KSR2: variants seen among roughly 807,000 people sequenced by gnomAD.
The protein encoded by KSR2 is kinase suppressor of ras 2.
In KSR2, 25 loss-of-function variants were observed where a neutral mutation model predicts 107.8. That is an observed-to-expected ratio of 0.23 (90% CI 0.17 to 0.32). KSR2 has a LOEUF of 0.32. KSR2 is among the 10% of genes least tolerant of loss of function. The pLI is 1.00. For synonymous variants in KSR2, 480 were observed against 507.0 expected, an observed-to-expected ratio of 0.95 and a Z score of 0.71; for missense variants, 887 against 1,268.9, an observed-to-expected ratio of 0.70 and a Z score of 4.57.
Position 117,855,484 on chromosome 12 carries a change from T to C in KSR2, c.416A>G (p.Glu139Gly), listed in dbSNP as rs1225429152. ...ETVEKYGANR[E>G]ECARLNASLS... is the part of the protein sequence containing the mutation. ...GGAGGCGTTGAGGCGGGCACACTCC[T>C]CCCGGTTGGCTCCGTATTTCTCCAC... Residue 139 changes from glutamate (E) to glycine (G), a missense_variant, in exon 3 of 20, where the codon GAG (glutamate) becomes GGG (glycine). By Grantham distance (98) the Glu-to-Gly change is moderately conservative. Transcript: ENST00000339824. The C allele has an allele frequency of 6.2e-7, 1 of 1,613,988 alleles. No individual in the cohort carries two copies. The highest frequency in any genetic ancestry group is 1.7e-5 in the Admixed American group (1 of 60,012).
intron 3 of KSR2, among the ~76,000 whole-genome samples, chr12:117,787,582 G>A (rs533380759): frequency 7.9e-5 from 12 of 151,964 alleles, no homozygotes; most frequent in Admixed American, 3.9e-4. Flanking sequence ...GCAGTGAGCC[G>A]ACACTGCGCC....
At chr12:117,761,778 A>T (rs1474054633) in intron 3 of KSR2, among the ~76,000 whole-genome samples, 1 of 151,558 alleles carries the variant, frequency 6.6e-6, no homozygotes, top group African/African-American at 2.4e-5. Context: ...TGCATGTTAT[A>T]TCATATGCAC....
chr12:117,638,568 T>G (rs1459785852), intron 5 of KSR2, among the ~76,000 whole-genome samples: 1 of 151,116 alleles, frequency 6.6e-6, no homozygotes, highest in Non-Finnish European at 1.5e-5. Context: ...TTCTATGAAG[T>G]TCAAAACTAT....
intron 5 of KSR2, among the ~76,000 whole-genome samples, chr12:117,645,087 C>T (rs1484536715): frequency 6.6e-6 from 1 of 152,126 alleles, no homozygotes; most frequent in Non-Finnish European, 1.5e-5. Context: ...CTAATCAGAG[C>T]TAATACTGAG....
At chr12:117,513,268 G>A (rs1270564111) in intron 14 of KSR2, among the ~76,000 whole-genome samples, 1 of 152,084 alleles carries the variant, frequency 6.6e-6, no homozygotes, top group African/African-American at 2.4e-5. Context: ...TATTCCCAGT[G>A]GTCAATCAAT....
chr12:117,472,601 A>G (rs1249488891), intron 17 of KSR2, among the ~76,000 whole-genome samples: 4 of 152,180 alleles, frequency 2.6e-5, no homozygotes, highest in Non-Finnish European at 5.9e-5. Context: ...GTGTCAAATC[A>G]ACTATTGCTA....
chr12:117,506,023 T>C (rs1318140047), intron 14 of KSR2, among the ~76,000 whole-genome samples: 7 of 152,228 alleles, frequency 4.6e-5, no homozygotes, highest in Non-Finnish European at 1.0e-4. Flanking sequence ...GCATGTCTTA[T>C]AAAGCCCCGC....
intron 3 of KSR2, among the ~76,000 whole-genome samples, chr12:117,849,304 GC>G (rs1331737105): frequency 6.6e-6 from 1 of 152,056 alleles, no homozygotes. Flanking sequence ...CTGTGCCCCA[GC>G]CCCCCACACT....
chr12:117,808,962 C>T (rs901362682), intron 3 of KSR2, among the ~76,000 whole-genome samples: 2 of 152,160 alleles, frequency 1.3e-5, no homozygotes, highest in Admixed American at 6.5e-5. Flanking sequence ...CCCAGTCTAC[C>T]TTCTGGGTGT....
At chr12:117,547,165 G>T (rs532874565) in intron 9 of KSR2, among the ~76,000 whole-genome samples, 1 of 152,276 alleles carries the variant, frequency 6.6e-6, no homozygotes, top group African/African-American at 2.4e-5. Context: ...GCAGAGAAAG[G>T]GGAGGTACTG....
chr12:117,689,483 C>T (rs542214732), intron 4 of KSR2, among the ~76,000 whole-genome samples: 1 of 152,226 alleles, frequency 6.6e-6, no homozygotes, highest in African/African-American at 2.4e-5. Flanking sequence ...ACTGCAACTA[C>T]TCGATTCTGC....
chr12:117,583,902 C>T (rs1237551903), intron 5 of KSR2, among the ~76,000 whole-genome samples: 3 of 152,232 alleles, frequency 2.0e-5, no homozygotes, highest in Non-Finnish European at 2.9e-5. Flanking sequence ...ATGCATGCCT[C>T]ATTTTTCACA....
chr12:117,539,346 C>A, intron 10 of KSR2: 1 of 209,898 alleles, frequency 4.8e-6, no homozygotes, highest in Non-Finnish European at 9.3e-6. Flanking sequence ...GCTCATAAGA[C>A]AACTGTCATC....
chr12:117,876,761 A>G (rs1893867407), intron 1 of KSR2, among the ~76,000 whole-genome samples: 1 of 148,766 alleles, frequency 6.7e-6, no homozygotes, highest in South Asian at 2.1e-4. Flanking sequence ...TGAAATATAT[A>G]TATTTATATA....
At chr12:117,613,366 C>T (rs996297151) in intron 5 of KSR2, among the ~76,000 whole-genome samples, 1 of 152,222 alleles carries the variant, frequency 6.6e-6, no homozygotes, top group Non-Finnish European at 1.5e-5. Context: ...CAGCCTCAGT[C>T]CCAGACCCAG....
chr12:117,840,311 T>A (rs1892415970), intron 3 of KSR2, among the ~76,000 whole-genome samples: 1 of 152,172 alleles, frequency 6.6e-6, no homozygotes, highest in African/African-American at 2.4e-5. Context: ...TTGGCCAGGC[T>A]GTTCTTGAAC....
At chr12:117,896,083 G>A (rs891046034) in intron 1 of KSR2, among the ~76,000 whole-genome samples, 24 of 152,310 alleles carry the variant, frequency 1.6e-4, no homozygotes, top group African/African-American at 5.8e-4. Context: ...AATGTTCATA[G>A]TAGCACTATT....
At chr12:117,530,876 G>C in intron 12 of KSR2, 65 bp downstream of exon 12, 3 of 1,377,256 alleles carry the variant, frequency 2.2e-6, no homozygotes, top group Non-Finnish European at 3.1e-6. Flanking sequence ...TAGGGAACCT[G>C]AGTGGATTGT....
intron 18 of KSR2, among the ~76,000 whole-genome samples, chr12:117,469,997 C>T (rs1431400234): frequency 6.6e-6 from 1 of 151,484 alleles, no homozygotes; most frequent in Non-Finnish European, 1.5e-5. Context: ...ACTCTTCCAT[C>T]CTTCATCCAT....
Sources: gnomAD v4.1 joint callset for allele counts (sites outside exome capture counted in the v4.1 genomes callset) on GRCh38, gnomAD v4.1.1 for gene constraint, MANE v1.5 for transcripts, NCBI Gene and HGNC (gene_info 2026-07-23, HGNC 2026-07-21) for gene names.